Variants in PRRG1 observed in about 807,000 individuals in gnomAD.
PRRG1 encodes the protein proline rich and Gla domain 1, also known as transmembrane gamma-carboxyglutamic acid protein 1.
A neutral mutation model predicts 11.8 loss-of-function variants in PRRG1; 5 were observed. That is an observed-to-expected ratio of 0.42 (90% CI 0.22 to 0.89). PRRG1 has a LOEUF of 0.89. Among genes scored for constraint, PRRG1 ranks in the 40% least tolerant of loss-of-function variants. The pLI is 0.28. For missense variants in PRRG1, 155 were observed against 166.1 expected (o/e 0.93, Z 0.37); for synonymous variants, 66 against 60.4 (o/e 1.09, Z -0.43).
intron 2 of PRRG1, among the ~76,000 whole-genome samples, chrX:37,410,541 G>A (rs1932323102): frequency 8.9e-6 from 1 of 112,094 alleles, no homozygotes; most frequent in Non-Finnish European, 1.9e-5. Context: ...ATGAGGGACT[G>A]GACAGATAGG....
chrX:37,359,249 TATG>T (rs1175663347), intron 1 of PRRG1, among the ~76,000 whole-genome samples: 1 of 111,345 alleles, frequency 9.0e-6, no homozygotes, highest in African/African-American at 3.3e-5. Context: ...CACCATTAAG[TATG>T]ATGTCAACTG....
At chrX:37,387,503 C>A (rs964780790) in intron 1 of PRRG1, among the ~76,000 whole-genome samples, 1 of 111,090 alleles carries the variant, frequency 9.0e-6, no homozygotes, top group African/African-American at 3.3e-5. Flanking sequence ...TGGCAGAAGG[C>A]GAAGAGCCAG....
At chrX:37,400,505 C>G (rs1451220623) in intron 1 of PRRG1, among the ~76,000 whole-genome samples, 7 of 110,720 alleles carry the variant, frequency 6.3e-5, no homozygotes, top group East Asian at 2.8e-4. Context: ...AAATTTATAG[C>G]ACTAAATGCC....
chrX:37,435,363 A>G (rs1932873654), intron 3 of PRRG1, among the ~76,000 whole-genome samples: 1 of 111,567 alleles, frequency 9.0e-6, no homozygotes. Flanking sequence ...AAAGAGAAAA[A>G]TCCACACTAT....
intron 1 of PRRG1, among the ~76,000 whole-genome samples, chrX:37,399,417 A>G (rs1931865033): frequency 9.2e-6 from 1 of 108,659 alleles, no homozygotes; most frequent in African/African-American, 3.4e-5. Context: ...AATACTTTAC[A>G]GACAAGCAAA....
intron 3 of PRRG1, 124 bp downstream of exon 3, chrX:37,426,124 A>G (rs1932769764): frequency 2.7e-6 from 2 of 727,788 alleles, no homozygotes. Context: ...AGGAACTCGG[A>G]AAATGGCATC....
Position 37,400,285 on chromosome X carries a change from T to G in PRRG1, c.-41-5924T>G, listed in dbSNP as rs1411915394. On this transcript the variant is annotated intron_variant, in intron 1 of 3. Transcript: ENST00000378628. ...AACAGAAATTATAACAAACTGTCTCTCAGACCACAGTGCAATCAAACTAGA... is the reference window on the plus strand; with the variant it reads ...AACAGAAATTATAACAAACTGTCTCGCAGACCACAGTGCAATCAAACTAGA... Among the ~76,000 whole-genome samples, 3 of 111,811 alleles carry G rather than the reference T, an allele frequency of 2.7e-5. 1 individual carries two copies. The highest frequency in any genetic ancestry group is 5.6e-5 in the Non-Finnish European group (3 of 53,208).
chrX:37,373,733 GTTTAACTT>G (rs1173956284), intron 1 of PRRG1, among the ~76,000 whole-genome samples: 1 of 111,503 alleles, frequency 9.0e-6, no homozygotes, highest in African/African-American at 3.3e-5. Context: ...AAGACCAATA[GTTTAACTT>G]TCTATTTTCT....
At chrX:37,408,418 G>A (rs1463276262) in intron 2 of PRRG1, among the ~76,000 whole-genome samples, 2 of 111,702 alleles carry the variant, frequency 1.8e-5, no homozygotes, top group Admixed American at 9.5e-5. Flanking sequence ...CATAGCCTGC[G>A]AGAAAACTGG....
chrX:37,381,407 T>C (rs369706624), intron 1 of PRRG1, among the ~76,000 whole-genome samples: 4 of 112,327 alleles, frequency 3.6e-5, no homozygotes, highest in Admixed American at 2.8e-4. Flanking sequence ...CATCATTCAT[T>C]ACATTTCTTC....
intron 1 of PRRG1, among the ~76,000 whole-genome samples, chrX:37,370,688 A>G (rs1326938492): frequency 9.0e-6 from 1 of 111,094 alleles, no homozygotes; most frequent in East Asian, 2.8e-4. Flanking sequence ...GCACAGCTGT[A>G]GCTGCCCAGC....
At chrX:37,449,516 C>T (rs1273687881) in intron 3 of PRRG1, among the ~76,000 whole-genome samples, 1 of 112,465 alleles carries the variant, frequency 8.9e-6, no homozygotes, top group Non-Finnish European at 1.9e-5. Flanking sequence ...TTGTAAGAAT[C>T]TTGCACCCAG....
chrX:37,397,993 C>CAT (rs1326975735), intron 1 of PRRG1, among the ~76,000 whole-genome samples: 7 of 97,580 alleles, frequency 7.2e-5, no homozygotes, highest in Non-Finnish European at 1.4e-4. Context: ...CACACACACA[C>CAT]ACACACACAC....
chrX:37,350,371 G>T (rs782028865), intron 1 of PRRG1, among the ~76,000 whole-genome samples: 2 of 111,602 alleles, frequency 1.8e-5, no homozygotes, highest in Middle Eastern at 4.2e-3. Context: ...TCTGTTGATG[G>T]TCATACTATA....
intron 3 of PRRG1, among the ~76,000 whole-genome samples, chrX:37,436,243 C>G (rs1334318631): frequency 8.9e-6 from 1 of 111,807 alleles, no homozygotes; most frequent in African/African-American, 3.3e-5. Context: ...TTCTTGTGCA[C>G]TCCATGTGCC....
intron 1 of PRRG1, among the ~76,000 whole-genome samples, chrX:37,400,099 C>A (rs1931907589): frequency 1.8e-5 from 2 of 111,298 alleles, no homozygotes; most frequent in South Asian, 7.7e-4. Flanking sequence ...CAAGGATACC[C>A]AGGAATTCAA....
At chrX:37,361,715 A>C (rs1180296917) in intron 1 of PRRG1, among the ~76,000 whole-genome samples, 2 of 111,452 alleles carry the variant, frequency 1.8e-5, no homozygotes, top group African/African-American at 6.5e-5. Flanking sequence ...TCAGTGACAA[A>C]GCCTTGTTAC....
intron 1 of PRRG1, among the ~76,000 whole-genome samples, chrX:37,356,811 T>C (rs971846608): frequency 4.5e-5 from 5 of 111,104 alleles, no homozygotes; most frequent in Non-Finnish European, 7.6e-5. Context: ...AGAGTTCTCA[T>C]ATACCCCCTC....
chrX:37,455,515 C>T lies in PRRG1; in HGVS notation c.*1894C>T, dbSNP rs987302304. On this transcript the variant is annotated 3_prime_UTR_variant, in exon 4 of 4. Transcript: ENST00000378628. ...TGAGTGTGTGGGCTGTTAGAGAACC[C>T]CTGCCATGCTCTGGTCTGTTCTGAA... The T allele has an allele frequency of 8.0e-5, 9 of 111,830 alleles. No individual in the cohort carries two copies. The highest frequency in any genetic ancestry group is 2.9e-4 in the African/African-American group (9 of 30,704). The allele number at this position is 111,830 out of a possible 1,213,427, so 9.2% of individuals were successfully genotyped here.
Sources: gnomAD v4.1 joint callset for allele counts (sites outside exome capture counted in the v4.1 genomes callset) on GRCh38, gnomAD v4.1.1 for gene constraint, MANE v1.5 for transcripts, NCBI Gene and HGNC (gene_info 2026-07-23, HGNC 2026-07-21) for gene names.